Variants in LONP2 observed in about 807,000 individuals in gnomAD.
LONP2 encodes lon peptidase 2, peroxisomal, also known as lon protease homolog 2, peroxisomal.
In LONP2, 60 loss-of-function variants were observed where a neutral mutation model predicts 85.6. The ratio of observed to expected loss-of-function variants is 0.70; its 90% CI spans 0.57 to 0.87. The LOEUF (loss-of-function observed/expected upper bound fraction) is 0.87. Among genes scored for constraint, LONP2 ranks in the 40% least tolerant of loss-of-function variants. The pLI, the probability that LONP2 is intolerant of heterozygous loss-of-function variation, is 0.00. For missense variants in LONP2, 860 were observed against 1,063.5 expected (o/e 0.81, Z 2.66); for synonymous variants, 395 against 389.7 (o/e 1.01, Z -0.16).
At chr16:48,320,288 T>C (rs1430702244) in intron 11 of LONP2, among the ~76,000 whole-genome samples, 1 of 152,100 alleles carries the variant, frequency 6.6e-6, no homozygotes, top group Non-Finnish European at 1.5e-5. Context: ...GAAGTTTGGA[T>C]TCGGTTTTGC....
At chr16:48,255,325 G>T (rs1488964631) in intron 2 of LONP2, among the ~76,000 whole-genome samples, 1 of 152,126 alleles carries the variant, frequency 6.6e-6, no homozygotes, top group Non-Finnish European at 1.5e-5. Context: ...TCTCTCATTG[G>T]CTTGTAATGC....
At chr16:48,269,686 AT>A (rs1258478547) in intron 6 of LONP2, among the ~76,000 whole-genome samples, 1 of 152,180 alleles carries the variant, frequency 6.6e-6, no homozygotes, top group East Asian at 1.9e-4. Context: ...AAGGAAAAAA[AT>A]CACCCTTTTT....
rs750205294 is a variant in LONP2, at chr16:48,303,298, G to A, written c.1788G>A (p.Glu596=). 4 of 1,613,016 alleles carry A rather than the reference G, an allele frequency of 2.5e-6. No homozygotes were observed. In the Admixed American group the frequency reaches 6.7e-5, roughly 27 times the overall value. The change falls in exon 11 of 15, where the codon GAG becomes GAA. Residue 596 remains glutamate (E), a synonymous_variant. Transcript: ENST00000285737. ...EAKLDRSDVT[E]REGCREHILE... ...AGTTGGACCGTTCTGATGTGACTGA[G>A]AGAGAAGGTTGGTGACCTTGTTCTG... is the stretch of plus-strand genomic sequence containing the variant.
intron 7 of LONP2, among the ~76,000 whole-genome samples, chr16:48,274,157 C>T (rs1244308401): frequency 6.6e-6 from 1 of 152,122 alleles, no homozygotes; most frequent in Non-Finnish European, 1.5e-5. Context: ...AAGGCCTCAA[C>T]CCAAGGCTTC....
intron 6 of LONP2, among the ~76,000 whole-genome samples, chr16:48,264,498 T>A (rs1376747438): frequency 6.6e-6 from 1 of 152,210 alleles, no homozygotes; most frequent in African/African-American, 2.4e-5. Flanking sequence ...CCCTGAACAA[T>A]TGCTGTTATC....
intron 8 of LONP2, among the ~76,000 whole-genome samples, chr16:48,292,697 A>G (rs1972580616): frequency 6.6e-6 from 1 of 152,368 alleles, no homozygotes; most frequent in South Asian, 2.1e-4. Flanking sequence ...GCTGTTAACA[A>G]ACTTTAAATA....
At chr16:48,320,028 C>T (rs1410153843) in intron 11 of LONP2, among the ~76,000 whole-genome samples, 1 of 151,784 alleles carries the variant, frequency 6.6e-6, no homozygotes, top group African/African-American at 2.4e-5. Flanking sequence ...GGCATGGTGG[C>T]AGGGGCCTGT....
downstream of LONP2, among the ~76,000 whole-genome samples, chr16:48,359,784 A>C (rs73562047): frequency 0.017 from 2,548 of 152,300 alleles, 56 homozygotes; most frequent in African/African-American, 0.056. Context: ...AAGAGACTAC[A>C]CAATCATCTT....
chr16:48,287,873 G>A (rs1239729782), intron 8 of LONP2, among the ~76,000 whole-genome samples: 1 of 152,140 alleles, frequency 6.6e-6, no homozygotes, highest in Non-Finnish European at 1.5e-5. Context: ...TTCTGGAGGA[G>A]CAGATTTTCA....
downstream of LONP2, chr16:48,361,275 A>G (rs545578567): frequency 1.7e-5 from 5 of 301,052 alleles, no homozygotes; most frequent in Non-Finnish European, 6.4e-6. Flanking sequence ...TCAACAATAC[A>G]ATCAATCTAC....
chr16:48,348,668 A>T (rs558922821), intron 14 of LONP2, among the ~76,000 whole-genome samples: 31 of 151,748 alleles, frequency 2.0e-4, no homozygotes, highest in South Asian at 8.3e-4. Context: ...AATTTATTTT[A>T]TTTTGCGTAG....
At chr16:48,315,577 A>G (rs1170753547) in intron 11 of LONP2, among the ~76,000 whole-genome samples, 1 of 152,218 alleles carries the variant, frequency 6.6e-6, no homozygotes, top group Non-Finnish European at 1.5e-5. Context: ...TTGTTACTTC[A>G]TGGCCTACTG....
chr16:48,249,813 T>C (rs531636886), intron 1 of LONP2, among the ~76,000 whole-genome samples: 8 of 152,362 alleles, frequency 5.3e-5, no homozygotes, highest in Middle Eastern at 3.4e-3. Context: ...CTGTACCTTT[T>C]GTAGGCATAG....
Position 48,271,174 on chromosome 16 carries a change from T to TCAAA in LONP2, c.1241+920_1241+923dup, listed in dbSNP as rs112143182. On this transcript the variant is annotated intron_variant, in intron 7 of 14. Coordinates refer to ENST00000285737, the MANE Select transcript of LONP2 (RefSeq NM_031490.5). ...CCAGCCTGGAGACAGAGACATTATC[T>TCAAA]CAAACAAACAAACAAACAAACAACA... Among the ~76,000 whole-genome samples the TCAAA allele has an allele frequency of 6.9e-3, 1,053 of 152,064 alleles. 5 individuals carry two copies. The highest frequency in any genetic ancestry group is 0.011 in the Non-Finnish European group (767 of 68,000).
chr16:48,358,935 T>C (rs1203462585), downstream of LONP2, among the ~76,000 whole-genome samples: 1 of 152,164 alleles, frequency 6.6e-6, no homozygotes, highest in Non-Finnish European at 1.5e-5. Context: ...AACTTTATAA[T>C]CAAAACACTT....
chr16:48,296,327 G>A (rs983241590), intron 9 of LONP2, among the ~76,000 whole-genome samples, 162 bp downstream of exon 9: 27 of 152,224 alleles, frequency 1.8e-4, no homozygotes, highest in African/African-American at 6.5e-4. Context: ...TAGCTTCAAA[G>A]TCTGGAAGAG....
At chr16:48,285,720 T>C (rs978302319) in intron 8 of LONP2, among the ~76,000 whole-genome samples, 1 of 152,192 alleles carries the variant, frequency 6.6e-6, no homozygotes, top group Non-Finnish European at 1.5e-5. Flanking sequence ...ATATTCTCTA[T>C]TTGTCAAGAC....
Position 48,347,963 on chromosome 16 carries a change from C to T in LONP2, c.2147-137C>T, listed in dbSNP as rs74017928. ...TGGAACTGTTCTTCCACACCCTCACCCAAATTGTACTGTCCACCAATATTT... is the reference window on the plus strand; with the variant it reads ...TGGAACTGTTCTTCCACACCCTCACTCAAATTGTACTGTCCACCAATATTT... On this transcript the variant is annotated intron_variant, in intron 13 of 14. Transcript: ENST00000285737. The T allele has an allele frequency of 3.4e-3, 2,772 of 823,540 alleles. 63 individuals carry two copies. The African/African-American group carries it at 0.043, about 13-fold the overall frequency. The allele number at this position is 823,540 out of a possible 1,614,324, so 51.0% of individuals were successfully genotyped here.
intron 1 of LONP2, among the ~76,000 whole-genome samples, chr16:48,250,522 ACC>A (rs1971615225): frequency 6.6e-6 from 1 of 151,782 alleles, no homozygotes; most frequent in African/African-American, 2.4e-5. Flanking sequence ...CTTTAGCATC[ACC>A]TTTTAGCAAT....
Sources: gnomAD v4.1 joint callset for allele counts (sites outside exome capture counted in the v4.1 genomes callset) on GRCh38, gnomAD v4.1.1 for gene constraint, MANE v1.5 for transcripts, NCBI Gene and HGNC (gene_info 2026-07-23, HGNC 2026-07-21) for gene names.